Variants in GALNT15 observed in about 807,000 individuals in gnomAD.
GALNT15 encodes polypeptide N-acetylgalactosaminyltransferase 15.
Under a neutral mutation model 66.8 loss-of-function variants are expected in GALNT15, and 67 were observed. That is an observed-to-expected ratio of 1.00 (90% CI 0.82 to 1.23). GALNT15 has a LOEUF of 1.23. Among genes scored for constraint, GALNT15 ranks in the 50% most tolerant of loss-of-function variants. The pLI is 0.00. For synonymous variants in GALNT15, 313 were observed against 311.5 expected (o/e 1.00, Z -0.05); for missense variants, 827 against 804.3 (o/e 1.03, Z -0.34).
rs147000082 is a variant in GALNT15 at position 16,211,577 on chromosome 3, A to G, written c.1197+336A>G. Among the ~76,000 whole-genome samples the G allele has an allele frequency of 2.2e-3, 336 of 152,342 alleles. 2 individuals carry two copies. The highest frequency in any genetic ancestry group is 4.1e-3 in the Non-Finnish European group (277 of 68,028). On this transcript the variant is annotated intron_variant, in intron 5 of 9. Coordinates refer to ENST00000339732, the MANE Select transcript of GALNT15 (RefSeq NM_054110.5). This position sits in a 1 kb window ranked among gnomAD's most constrained non-coding sequence, Gnocchi z 4.3. ...TCTTAGTAATTTTTTCACAGCACCC[A>G]TAGTCCAAAACAAATACCTGAAGTT...
rs1283011978 is a variant in GALNT15, at chr3:16,175,633, A to T, written c.482A>T (p.Glu161Val). 3 of 1,612,818 alleles carry T rather than the reference A, an allele frequency of 1.9e-6. No homozygotes were observed. The highest frequency in any genetic ancestry group is 3.3e-5 in the Admixed American group (2 of 59,960). ...PFSLDPRGLQ[E>V]ALSARIPLQR... The stretch of plus-strand genomic sequence containing the variant: ...AGCCTGGACCCACGTGGCCTCCAGG[A>T]GGCACTCAGTGCCCGCATCCCCCTC... Residue 161 changes from glutamate (E) to valine (V), a missense_variant, in exon 1 of 10, where the codon GAG (glutamate) becomes GTG (valine). By Grantham distance (121) the Glu-to-Val change is moderately radical. Transcript: ENST00000339732. The surrounding 1 kb of genome is among the most constrained non-coding windows in gnomAD (Gnocchi z 5.6).
chr3:16,198,618 G>A (rs1461646600), intron 2 of GALNT15, among the ~76,000 whole-genome samples: 1 of 142,970 alleles, frequency 7.0e-6, no homozygotes, highest in African/African-American at 2.6e-5. Flanking sequence ...TTGACTAACA[G>A]AGATTCCTCT....
chr3:16,236,936 C>T (rs1285657432), downstream of GALNT15, among the ~76,000 whole-genome samples: 1 of 152,174 alleles, frequency 6.6e-6, no homozygotes, highest in Non-Finnish European at 1.5e-5. Context: ...GAGTAACTCT[C>T]AGTATCTTAG....
intron 6 of GALNT15, 119 bp downstream of exon 6, chr3:16,212,882 T>C (rs1278755425): frequency 4.8e-6 from 4 of 828,724 alleles, no homozygotes; most frequent in Non-Finnish European, 7.4e-6. Flanking sequence ...GGCTTGAGCT[T>C]CCCTCATGCT....
intron 5 of GALNT15, among the ~76,000 whole-genome samples, chr3:16,212,224 AG>A (rs1175690153): frequency 6.6e-6 from 1 of 151,744 alleles, no homozygotes; most frequent in Non-Finnish European, 1.5e-5. Flanking sequence ...TTTTTCCCTG[AG>A]GAAGTGTCCT....
downstream of GALNT15, among the ~76,000 whole-genome samples, chr3:16,232,473 T>TAAATAAATAA (rs1559698324): frequency 3.8e-3 from 168 of 43,922 alleles, no homozygotes; most frequent in African/African-American, 0.01. Context: ...TAAATAAATA[T>TAAATAAATAA]ATATATATAT....
the GALNT15 span, among the ~76,000 whole-genome samples, chr3:16,237,749 C>A: frequency 2.0e-5 from 3 of 152,306 alleles, no homozygotes; most frequent in Non-Finnish European, 4.4e-5. The surrounding 1 kb of genome is among the most constrained non-coding windows in gnomAD (Gnocchi z 4.2). Context: ...TGACCACTCT[C>A]CTTGGGAGGC....
intron 8 of GALNT15, among the ~76,000 whole-genome samples, chr3:16,221,090 C>G (rs948819126): frequency 2.0e-5 from 3 of 152,140 alleles, no homozygotes; most frequent in African/African-American, 7.2e-5. Context: ...GCTGTGTGAT[C>G]TTGGCAGGCT....
chr3:16,201,163 TTTTTTTCTTTTTC>T lies in GALNT15; in HGVS notation c.911+346_911+358del, dbSNP rs1307667408. Among the ~76,000 whole-genome samples the T allele has an allele frequency of 3.1e-3, 414 of 135,540 alleles. 9 individuals carry two copies. Among genetic ancestry groups the T allele is most frequent in the East Asian group, 0.025 (119 of 4,758 alleles). 88.9% of individuals were successfully genotyped at this position (135,540 alleles called of 152,430 possible). A position where few individuals can be genotyped will look rare whatever the true frequency, so the allele number is the denominator to read the frequency against. ...TGCCTTTGGTGAAAATTTGGCAATT[TTTTTTTCTTTTTC>T]TTTTTCTTTTTCTTTTTCTTTTTGT... On this transcript the variant is annotated intron_variant, in intron 3 of 9. Coordinates refer to ENST00000339732, the MANE Select transcript of GALNT15 (RefSeq NM_054110.5).
At chr3:16,240,096 G>A in the GALNT15 span, among the ~76,000 whole-genome samples, 1 of 152,214 alleles carries the variant, frequency 6.6e-6, no homozygotes, top group Non-Finnish European at 1.5e-5. Context: ...ATACTCATGA[G>A]GGCTGGGTTG....
rs1193276882 is a variant in GALNT15 at position 16,204,939 on chromosome 3, G to A, written c.912-3564G>A. ...TGAGAGTCTGAGTGTGGGGGGGAGC[G>A]AGCATGTGCGTGCGTGTGTGTGTGC... On this transcript the variant is annotated intron_variant, in intron 3 of 9. Coordinates refer to ENST00000339732, the MANE Select transcript of GALNT15 (RefSeq NM_054110.5). This position sits in a 1 kb window ranked among gnomAD's most constrained non-coding sequence, Gnocchi z 4.5. Among the ~76,000 whole-genome samples the A allele has an allele frequency of 3.9e-5, 6 of 152,192 alleles. No individual in the cohort carries two copies. The highest frequency in any genetic ancestry group is 2.6e-4 in the Admixed American group (4 of 15,288).
chr3:16,219,201 G>A lies in GALNT15; in HGVS notation c.1393-202G>A, dbSNP rs993416583. On this transcript the variant is annotated intron_variant, in intron 6 of 9. Coordinates refer to ENST00000339732, the MANE Select transcript of GALNT15 (RefSeq NM_054110.5). The surrounding 1 kb of genome is among the most constrained non-coding windows in gnomAD (Gnocchi z 4.3). ...TGCTGGTTCCACAACTCTCTGTAGG[G>A]AAGATCTGTGCTATTCTATCCCTTC... Among the ~76,000 whole-genome samples, 11 of 152,124 alleles carry A rather than the reference G, an allele frequency of 7.2e-5. No individual in the cohort carries two copies. The South Asian group carries it at 1.2e-3, about 17-fold the overall frequency.
Position 16,204,961 on chromosome 3 carries a change from G to GCGCGCGCGCA in GALNT15, c.912-3542_912-3541insCGCGCGCGCA, listed in dbSNP as rs2063741949. ...AGCGAGCATGTGCGTGCGTGTGTGTGTGCGCGCGCATGTGCGCGTCAAGGA... is the reference window on the plus strand; with the variant it reads ...AGCGAGCATGTGCGTGCGTGTGTGTGCGCGCGCGCATGCGCGCGCATGTGCGCGTCAAGGA... On this transcript the variant is annotated intron_variant, in intron 3 of 9. Transcript: ENST00000339732. The surrounding 1 kb of genome is among the most constrained non-coding windows in gnomAD (Gnocchi z 4.5). Among the ~76,000 whole-genome samples the GCGCGCGCGCA allele has an allele frequency of 6.6e-6, 1 of 152,220 alleles. No individual in the cohort carries two copies. Among genetic ancestry groups the GCGCGCGCGCA allele is most frequent in the African/African-American group, 2.4e-5 (1 of 41,456 alleles).
chr3:16,214,794 G>A lies in GALNT15; in HGVS notation c.1392+2031G>A, dbSNP rs114184465. Reference sequence around the variant, plus strand: ...TTCAACTCAGACATCCAGAGGAGGAGTTGGGGGAAGACTCTGGAGCCCCTG... The same window carrying A: ...TTCAACTCAGACATCCAGAGGAGGAATTGGGGGAAGACTCTGGAGCCCCTG... On this transcript the variant is annotated intron_variant, in intron 6 of 9. Coordinates refer to ENST00000339732, the MANE Select transcript of GALNT15 (RefSeq NM_054110.5). 1.3e-3 allele frequency among the ~76,000 whole-genome samples: 193 copies of A among 152,330 alleles called. 1 individual carries two copies. The highest frequency in any genetic ancestry group is 3.9e-3 in the African/African-American group (162 of 41,570).
At chr3:16,217,616 AC>A (rs1314661936) in intron 6 of GALNT15, among the ~76,000 whole-genome samples, 1 of 152,200 alleles carries the variant, frequency 6.6e-6, no homozygotes, top group Non-Finnish European at 1.5e-5. Context: ...ACAAGGCCAG[AC>A]TTTTGCTGCT....
At chr3:16,234,334 T>C (rs1016276770), downstream of GALNT15, among the ~76,000 whole-genome samples, 4 of 152,266 alleles carry the variant, frequency 2.6e-5, no homozygotes, top group East Asian at 1.9e-4. Flanking sequence ...TTTTTTTTTT[T>C]CTTCCGCGAA....
intron 2 of GALNT15, among the ~76,000 whole-genome samples, chr3:16,197,746 A>T (rs2063654596): frequency 6.6e-6 from 1 of 152,200 alleles, no homozygotes; most frequent in African/African-American, 2.4e-5. Context: ...TGACCAGCCC[A>T]TGATGACCCT....
At position 16,218,810 on chromosome 3, in the gene GALNT15, C is replaced by CTTTT. The variant is rs10538222; in HGVS notation, c.1393-574_1393-571dup. Among the ~76,000 whole-genome samples, 124 of 92,920 alleles carry CTTTT rather than the reference C, an allele frequency of 1.3e-3. 1 individual carries two copies. Among genetic ancestry groups the CTTTT allele is most frequent in the East Asian group, 2.5e-3 (8 of 3,160 alleles). 61.0% of individuals were successfully genotyped at this position (92,920 alleles called of 152,430 possible). On this transcript the variant is annotated intron_variant, in intron 6 of 9. Coordinates refer to ENST00000339732, the MANE Select transcript of GALNT15 (RefSeq NM_054110.5). ...GATATCATAGACTCTCTCTCTCTCT[C>CTTTT]TTTTTTTTTTTTTTTTTTTTTTGCG...
chr3:16,237,038 C>T, the GALNT15 span, among the ~76,000 whole-genome samples: 1 of 152,222 alleles, frequency 6.6e-6, no homozygotes, highest in African/African-American at 2.4e-5. This position sits in a 1 kb window ranked among gnomAD's most constrained non-coding sequence, Gnocchi z 4.2. Context: ...AAGGGCAAAG[C>T]ACACGCTCCC....
Sources: gnomAD v4.1 joint callset for allele counts (sites outside exome capture counted in the v4.1 genomes callset) on GRCh38, gnomAD v4.1.1 for gene constraint, Gnocchi (gnomAD v3.1) non-coding constraint, MANE v1.5 for transcripts, NCBI Gene and HGNC (gene_info 2026-07-23, HGNC 2026-07-21) for gene names.